The following PDE10A variants were observed in gnomAD, a reference collection of about 807,000 sequenced individuals.
The protein encoded by PDE10A is cAMP and cAMP-inhibited cGMP 3',5'-cyclic phosphodiesterase 10A.
A neutral mutation model predicts 97.7 loss-of-function variants in PDE10A; 39 were observed. The ratio of observed to expected loss-of-function variants is 0.40; its 90% confidence interval spans 0.31 to 0.52. PDE10A has a LOEUF of 0.52. Among genes scored for constraint, PDE10A ranks in the 20% least tolerant of loss-of-function variants. The pLI is 0.56. For synonymous variants in PDE10A, 371 were observed against 376.8 expected (o/e 0.98, Z 0.18); for missense variants, 731 against 1,047.8 (o/e 0.70, Z 4.17).
chr6:165,425,836 G>A (rs1789109463), intron 10 of PDE10A, among the ~76,000 whole-genome samples: 1 of 146,490 alleles, frequency 6.8e-6, no homozygotes, highest in Admixed American at 6.9e-5. Flanking sequence ...AGAAACTATT[G>A]GAACTAATAT....
At position 165,765,351 on chromosome 6, in the gene PDE10A, G is replaced by A. The variant is rs181849470; in HGVS notation, c.-614-221783C>T. On this transcript the variant is annotated intron_variant, in intron 1 of 19. Coordinates refer to the PDE10A transcript ENST00000366882. ...TAGAGCAGGGGGCGGCGCTCCTCGG[G>A]GAGGCTCGGGCTGCACAGGAGCCCA... is the stretch of plus-strand genomic sequence containing the variant. 9.0e-3 allele frequency among the ~76,000 whole-genome samples: 1,368 copies of A among 152,364 alleles called. 5 individuals carry two copies. The highest frequency in any genetic ancestry group is 0.014 in the Non-Finnish European group (953 of 68,036).
At chr6:165,622,830 T>C (rs977652939) in intron 1 of PDE10A, among the ~76,000 whole-genome samples, 1 of 152,206 alleles carries the variant, frequency 6.6e-6, no homozygotes, top group African/African-American at 2.4e-5. Flanking sequence ...TGAATTGTAA[T>C]CCCCAATGCT....
intron 1 of PDE10A, among the ~76,000 whole-genome samples, chr6:165,839,797 TCC>T: frequency 3.9e-5 from 1 of 25,746 alleles, no homozygotes; most frequent in Middle Eastern, 0.033. Context: ...TCCATCCCCA[TCC>T]CCTTCTCCAG....
chr6:165,896,521 A>ATTT lies in PDE10A; in HGVS notation c.-615+91005_-615+91007dup, dbSNP rs35509574. On this transcript the variant is annotated intron_variant, in intron 1 of 19. Transcript: ENST00000366882. ...GGTGCCCACCACAACACGCCAGCTA[A>ATTT]TTTTTTTTTTTTTTTTTTTTTGAGA... Among the ~76,000 whole-genome samples, 169 of 105,746 alleles carry ATTT rather than the reference A, an allele frequency of 1.6e-3. 4 individuals are homozygous for ATTT. The highest frequency in any genetic ancestry group is 6.1e-3 in the African/African-American group (157 of 25,686). The allele number at this position is 105,746 out of a possible 152,430, so 69.4% of individuals were successfully genotyped here. A position where few individuals can be genotyped will look rare whatever the true frequency, so the allele number is the denominator to read the frequency against.
At chr6:165,759,501 A>G (rs537255129) in intron 1 of PDE10A, among the ~76,000 whole-genome samples, 16 of 152,262 alleles carry the variant, frequency 1.1e-4, no homozygotes, top group Admixed American at 5.9e-4. Context: ...GAGAGAAGGA[A>G]CAGGCTCTCT....
intron 1 of PDE10A, chr6:165,986,225 G>C (rs772154481): frequency 2.0e-5 from 3 of 153,236 alleles, no homozygotes; most frequent in Admixed American, 6.5e-5. Flanking sequence ...TCTGCCCAGG[G>C]CTGGGGATTT....
At chr6:165,987,447 A>ACG (rs1785257147) in intron 1 of PDE10A, 1 of 330,904 alleles carries the variant, frequency 3.0e-6, no homozygotes, top group South Asian at 2.4e-5. Context: ...TTTTAAGTAC[A>ACG]CGCACACACA....
In PDE10A at chr6:165,333,137, A is replaced by ATCTC; in HGVS notation, c.3066-11_3066-10insGAGA. 1 of 1,492,390 alleles carries ATCTC rather than the reference A, an allele frequency of 6.7e-7. No homozygotes were observed. Among genetic ancestry groups the ATCTC allele is most frequent in the Non-Finnish European group, 9.4e-7 (1 of 1,068,674 alleles). The allele number at this position is 1,492,390 out of a possible 1,614,324, so 92.4% of individuals were successfully genotyped here. On this transcript the variant is annotated splice_polypyrimidine_tract_variant and intron_variant, in intron 21 of 21. Transcript: ENST00000539869. ...CTGACTGAGATTATCCCTAGGGATAAAAGATGCAGTTTCAGGAGAAGCTGA... is the reference window on the plus strand; with the variant it reads ...CTGACTGAGATTATCCCTAGGGATAATCTCAAGATGCAGTTTCAGGAGAAGCTGA...
chr6:165,894,078 G>A, intron 1 of PDE10A: 1 of 354,444 alleles, frequency 2.8e-6, no homozygotes, highest in South Asian at 2.2e-5. Flanking sequence ...CTGTGCATTT[G>A]CAGCACTTCC....
intron 1 of PDE10A, among the ~76,000 whole-genome samples, chr6:165,757,901 A>T (rs1793154607): frequency 6.6e-6 from 1 of 152,202 alleles, no homozygotes; most frequent in Admixed American, 6.5e-5. Flanking sequence ...TTTTCTGAAA[A>T]TATGATATTG....
At chr6:165,970,160 A>G (rs1784626196) in intron 1 of PDE10A, among the ~76,000 whole-genome samples, 1 of 152,240 alleles carries the variant, frequency 6.6e-6, no homozygotes, top group South Asian at 2.1e-4. Context: ...TCATTTGCTC[A>G]AAATCTTCAA....
chr6:165,772,317 T>C (rs564986271), intron 1 of PDE10A, among the ~76,000 whole-genome samples: 28 of 152,296 alleles, frequency 1.8e-4, no homozygotes, highest in Non-Finnish European at 2.9e-4. Context: ...ATTTTTACTA[T>C]ATGAGAGAGT....
chr6:165,567,308 G>C (rs1784822589), intron 1 of PDE10A, among the ~76,000 whole-genome samples: 1 of 152,326 alleles, frequency 6.6e-6, no homozygotes, highest in African/African-American at 2.4e-5. Context: ...GGACACAAGA[G>C]GGGCTTTCAG....
At chr6:165,758,747 G>GA (rs1793184426) in intron 1 of PDE10A, among the ~76,000 whole-genome samples, 1 of 150,936 alleles carries the variant, frequency 6.6e-6, no homozygotes, top group African/African-American at 2.4e-5. Context: ...AGAAGGAGAG[G>GA]AAAAAACCCA....
intron 1 of PDE10A, among the ~76,000 whole-genome samples, chr6:165,639,982 A>T (rs981926069): frequency 6.6e-6 from 1 of 151,612 alleles, no homozygotes; most frequent in African/African-American, 2.4e-5. Flanking sequence ...AGGCAGGATG[A>T]TCACCTGAGC....
At chr6:165,393,172 G>C (rs765060918) in intron 15 of PDE10A, among the ~76,000 whole-genome samples, 3 of 152,092 alleles carry the variant, frequency 2.0e-5, no homozygotes, top group Non-Finnish European at 4.4e-5. Flanking sequence ...TCTTGCTAAA[G>C]GGTATTTTGA....
At chr6:165,382,810 A>G (rs1463310332) in intron 17 of PDE10A, among the ~76,000 whole-genome samples, 1 of 152,196 alleles carries the variant, frequency 6.6e-6, no homozygotes, top group African/African-American at 2.4e-5. Context: ...GGAAAGACAG[A>G]TGAAAAAACA....
In PDE10A at chr6:165,614,846, TAA is replaced by T. The variant is rs879601131; in HGVS notation, c.865+47099_865+47100del. Among the ~76,000 whole-genome samples the T allele has an allele frequency of 6.3e-4, 89 of 141,676 alleles. 1 individual carries two copies. Among genetic ancestry groups the T allele is most frequent in the African/African-American group, 2.2e-3 (84 of 39,022 alleles). 92.9% of individuals were successfully genotyped at this position (141,676 alleles called of 152,430 possible). ...ATGCTGAGTGTAGGAGGCATTCAAT[TAA>T]AAAAAAAAAAGAAAAAGTAATAAGA... On this transcript the variant is annotated intron_variant, in intron 1 of 21. Transcript: ENST00000539869.
Position 165,758,510 on chromosome 6 carries a change from A to AAAGAAGAAAGAAGACAG in PDE10A, c.-614-214943_-614-214942insCTGTCTTCTTTCTTCTT, listed in dbSNP as rs757427463. Among the ~76,000 whole-genome samples, 15 of 41,570 alleles carry AAAGAAGAAAGAAGACAG rather than the reference A, an allele frequency of 3.6e-4. No homozygotes were observed. In the East Asian group the frequency reaches 5.5e-3, roughly 15 times the overall value. The allele number at this position is 41,570 out of a possible 152,430, so 27.3% of individuals were successfully genotyped here. On this transcript the variant is annotated intron_variant, in intron 1 of 19. Transcript: ENST00000366882. ...GGAGAAAGAAGAAAGAAGAAAGAAGAAAGAAGAAGAAGAAGAAGAAGAGGA... is the reference window on the plus strand; with the variant it reads ...GGAGAAAGAAGAAAGAAGAAAGAAGAAAGAAGAAAGAAGACAGAAGAAGAAGAAGAAGAAGAAGAGGA...
Sources: allele counts gnomAD v4.1 joint callset (sites outside exome capture counted in the v4.1 genomes callset), GRCh38; gene constraint gnomAD v4.1.1; transcripts MANE v1.5; gene names NCBI Gene and HGNC (gene_info 2026-07-23, HGNC 2026-07-21).